The following CARD9 variants were observed in gnomAD, a reference collection of about 807,000 sequenced individuals.
The protein encoded by CARD9 is caspase recruitment domain family member 9, also known as caspase recruitment domain-containing protein 9.
CARD9 carries 53 observed loss-of-function variants against 66.0 expected under a neutral mutation model. The ratio of observed to expected loss-of-function variants is 0.80; its 90% confidence interval spans 0.64 to 1.01. The LOEUF (loss-of-function observed/expected upper bound fraction) is 1.01. Among genes scored for constraint, CARD9 ranks in the 50% least tolerant of loss-of-function variants. The probability of loss-of-function intolerance (pLI) is 0.00; values close to 1 mark genes in which losing one functional copy is unlikely to be tolerated. For synonymous variants in CARD9, 387 were observed against 313.8 expected (o/e 1.23, Z -2.47); for missense variants, 769 against 743.2 (o/e 1.03, Z -0.40).
In CARD9 at chr9:136,371,279, C is replaced by T. The variant is rs374795131; in HGVS notation, c.322+45G>A. 19 of 1,582,278 alleles carry T rather than the reference C, an allele frequency of 1.2e-5. No homozygotes were observed. The South Asian group carries it at 1.9e-4, about 16-fold the overall frequency. ...GAGGACCCAACACCACTGCCCGCTC[C>T]CCGCCAGCGCCTCCCCTGTCGGCCC... On this transcript the variant is annotated intron_variant, in intron 3 of 12. Coordinates refer to ENST00000371732, the MANE Select transcript of CARD9 (RefSeq NM_052813.5).
At chr9:136,371,273 C>T in intron 3 of CARD9, 51 bp downstream of exon 3, 2 of 1,575,616 alleles carry the variant, frequency 1.3e-6, no homozygotes, top group Non-Finnish European at 1.7e-6. Flanking sequence ...ACACCACTGC[C>T]CGCTCCCCGC....
rs754404646 is a variant in CARD9 at position 136,370,283 on chromosome 9, TGC to T, written c.951+9_951+10del. On this transcript the variant is annotated intron_variant, in intron 6 of 12. Coordinates refer to ENST00000371732, the MANE Select transcript of CARD9 (RefSeq NM_052813.5). ...ACCCCAGGGGCCATGTCTCCCCGCC[TGC>T]CCTCCTACCCGGAGGCGTCGGGCCT... 1,915 of 1,598,152 alleles carry T rather than the reference TGC, an allele frequency of 1.2e-3. 17 individuals are homozygous for T. The African/African-American group carries it at 0.022, about 18-fold the overall frequency.
chr9:136,364,361 C>A lies in CARD9; in HGVS notation c.1552G>T (p.Gly518Trp), dbSNP rs888151831. The A allele has an allele frequency of 1.3e-6, 2 of 1,570,002 alleles. No individual in the cohort carries two copies. Among genetic ancestry groups the A allele is most frequent in the Admixed American group, 3.7e-5 (2 of 54,138 alleles). Residue 518 changes from glycine (G) to tryptophan (W), a missense_variant, in exon 13 of 13, where the codon GGG becomes TGG. By Grantham distance (184) the Gly-to-Trp change is radical. Coordinates refer to ENST00000371732, the MANE Select transcript of CARD9 (RefSeq NM_052813.5). ...GTGGTGTTCTCCCGGTCCTCCTCCC[C>A]CTGCCGCCATCCTTTCTGCATCTTC... is the stretch of plus-strand genomic sequence containing the variant. ...LRKMQKGWRQ[G>W]EEDRENTTGS...
In CARD9 at chr9:136,364,359, C is replaced by T; in HGVS notation, c.1554G>A (p.Gly518=). The change falls in exon 13 of 13, where the codon GGG becomes GGA. Residue 518 remains glycine (G), a synonymous_variant. Transcript: ENST00000371732. ...LRKMQKGWRQ[G]EEDRENTTGS... ...CCGTGGTGTTCTCCCGGTCCTCCTC[C>T]CCCTGCCGCCATCCTTTCTGCATCT... 2 of 1,569,904 alleles carry T rather than the reference C, an allele frequency of 1.3e-6. No homozygotes were observed. Among genetic ancestry groups the T allele is most frequent in the Non-Finnish European group, 1.7e-6 (2 of 1,159,186 alleles).
At chr9:136,371,694 C>T (rs1225871019) in intron 2 of CARD9, among the ~76,000 whole-genome samples, 2 of 152,136 alleles carry the variant, frequency 1.3e-5, no homozygotes, top group Non-Finnish European at 2.9e-5. Flanking sequence ...CCCGCTGCCC[C>T]TCTTGGCAGC....
At position 136,371,878 on chromosome 9, in the gene CARD9, C is replaced by T. The variant is rs369940203; in HGVS notation, c.184+17G>A. On this transcript the variant is annotated intron_variant, in intron 2 of 12. Coordinates refer to ENST00000371732, the MANE Select transcript of CARD9 (RefSeq NM_052813.5). ...GTGGTTGGGTTTGGGGCCTGGGGCC[C>T]GCGGGGCAACACTGACCCACTTTCC... 25 of 1,580,008 alleles carry T rather than the reference C, an allele frequency of 1.6e-5. No individual in the cohort carries two copies. The South Asian group carries it at 2.0e-4, about 12-fold the overall frequency.
chr9:136,371,526 G>GGGGGGGGGGGGGGCC, intron 2 of CARD9, 65 bp from the exon 3 acceptor site: 1 of 516,030 alleles, frequency 1.9e-6, no homozygotes, highest in Non-Finnish European at 3.6e-6. Flanking sequence ...GGGTGGGTGG[G>GGGGGGGGGGGGGGCC]CCTGGGGGCA....
chr9:136,370,746 C>T, intron 4 of CARD9, 45 bp from the exon 5 acceptor site: 3 of 1,611,814 alleles, frequency 1.9e-6, no homozygotes, highest in East Asian at 2.2e-5. Context: ...CAGGCGGTGA[C>T]CGCAGACCCG....
chr9:136,368,016 G>T lies in CARD9; in HGVS notation c.1078-188C>A, dbSNP rs187089818. On this transcript the variant is annotated intron_variant, in intron 7 of 12. Coordinates refer to ENST00000371732, the MANE Select transcript of CARD9 (RefSeq NM_052813.5). ...TCAGCACGTGGGGGATTGTAAATGT[G>T]ACAGTTGTCCCTGCTGCCCTTCTGT... 8.3e-4 allele frequency: 1,182 copies of T among 1,418,950 alleles called. 7 individuals carry two copies. In the Middle Eastern group the frequency reaches 0.011, roughly 13 times the overall value. 87.9% of individuals were successfully genotyped at this position (1,418,950 alleles called of 1,614,324 possible). A position where few individuals can be genotyped will look rare whatever the true frequency, so the allele number is the denominator to read the frequency against.
chr9:136,367,870 A>G, intron 7 of CARD9, 42 bp from the exon 8 acceptor site: 4 of 1,570,670 alleles, frequency 2.5e-6, no homozygotes, highest in South Asian at 2.3e-5. Flanking sequence ...GAGGGCCCCA[A>G]GCTTGCCCTG....
At position 136,364,418 on chromosome 9, in the gene CARD9, C is replaced by A; in HGVS notation, c.1512-17G>T. 6.5e-7 allele frequency: 1 copy of A among 1,544,230 alleles called. No individual in the cohort carries two copies. Among genetic ancestry groups the A allele is most frequent in the South Asian group, 1.2e-5 (1 of 84,206 alleles). ...GCGCGCTTCCTGTGAAGACAGGTGT[C>A]TCAGGCGCGACCCGGCTGCCGCTCC... On this transcript the variant is annotated splice_polypyrimidine_tract_variant and intron_variant, in intron 12 of 12. Transcript: ENST00000371732.
chr9:136,371,600 C>T lies in CARD9; in HGVS notation c.185-139G>A, dbSNP rs758123098. 7.2e-4 allele frequency: 981 copies of T among 1,369,544 alleles called. 1 individual carries two copies. The highest frequency in any genetic ancestry group is 1.8e-3 in the Middle Eastern group (7 of 3,890). The allele number at this position is 1,369,544 out of a possible 1,614,324, so 84.8% of individuals were successfully genotyped here. On this transcript the variant is annotated intron_variant, in intron 2 of 12. Transcript: ENST00000371732. ...TGGTCTGGGTCTTGGATGAGGTACC[C>T]TGCGGGTCTTGGTACTAGGCTGGGG...
At chr9:136,366,943 G>T in intron 9 of CARD9, 98 bp from the exon 10 acceptor site, 2 of 1,395,472 alleles carry the variant, frequency 1.4e-6, no homozygotes, top group Non-Finnish European at 1.0e-6. Context: ...GCTGGGTGCA[G>T]CCATTGCCGT....
chr9:136,368,949 A>G (rs1341705047), intron 7 of CARD9, among the ~76,000 whole-genome samples: 4 of 152,000 alleles, frequency 2.6e-5, no homozygotes, highest in Admixed American at 2.6e-4. Flanking sequence ...CCTCCTGAGT[A>G]GCTGGGATTA....
At chr9:136,372,179 C>T in intron 1 of CARD9, 85 bp from the exon 2 acceptor site, 2 of 1,546,648 alleles carry the variant, frequency 1.3e-6, no homozygotes, top group Non-Finnish European at 1.7e-6. Context: ...AGACGCTGGG[C>T]CAGGGCTCTC....
At chr9:136,369,913 G>GC (rs773193573) in intron 6 of CARD9, 38 bp from the exon 7 acceptor site, 3 of 1,607,490 alleles carry the variant, frequency 1.9e-6, no homozygotes, top group African/African-American at 1.3e-5. Flanking sequence ...CAGGCCTGAG[G>GC]CCCCCCATTC....
At chr9:136,365,498 C>G (rs543913458) in intron 10 of CARD9, 1 of 542,060 alleles carries the variant, frequency 1.8e-6, no homozygotes, top group Non-Finnish European at 3.3e-6. Flanking sequence ...CAGGGAGGAA[C>G]GCCTCCCAGA....
rs149971502 is a variant in CARD9 at position 136,371,851 on chromosome 9, C to G, written c.184+44G>C. ...GCGTGCAGCCACCTCCGAGCTGACT[C>G]TGTGGTTGGGTTTGGGGCCTGGGGC... On this transcript the variant is annotated intron_variant, in intron 2 of 12. Transcript: ENST00000371732. The G allele has an allele frequency of 3.4e-5, 53 of 1,563,304 alleles. 1 individual carries two copies. The East Asian group carries it at 1.1e-3, about 33-fold the overall frequency.
In CARD9 at chr9:136,367,696, C is replaced by T; in HGVS notation, c.1210G>A (p.Ala404Thr). 2.5e-6 allele frequency: 4 copies of T among 1,602,676 alleles called. No homozygotes were observed. The highest frequency in any genetic ancestry group is 1.7e-4 in the Middle Eastern group (1 of 6,058). Reference protein sequence around the residue: ...ELQLQVFQCEAQLLAVEGRLR... With the variant: ...ELQLQVFQCETQLLAVEGRLR... ...CTGCCCTCCACGGCCAGTAGCTGCGCCTCACACTGGAACACCTGCAGCTGC... is the reference window on the plus strand; with the variant it reads ...CTGCCCTCCACGGCCAGTAGCTGCGTCTCACACTGGAACACCTGCAGCTGC... The change falls in exon 8 of 13, where the codon GCG (alanine) becomes ACG (threonine). Residue 404 changes from alanine to threonine, a missense_variant. Coordinates refer to ENST00000371732, the MANE Select transcript of CARD9 (RefSeq NM_052813.5).
Sources: gnomAD v4.1 joint callset for allele counts (sites outside exome capture counted in the v4.1 genomes callset) on GRCh38, gnomAD v4.1.1 for gene constraint, MANE v1.5 for transcripts, NCBI Gene and HGNC (gene_info 2026-07-23, HGNC 2026-07-21) for gene names.